Variants in STIMATE observed in about 807,000 individuals in gnomAD.
STIMATE encodes store-operated calcium entry regulator STIMATE.
STIMATE carries 15 observed loss-of-function variants against 36.7 expected under a neutral mutation model. That is an observed-to-expected ratio of 0.41 (90% confidence interval 0.27 to 0.63). STIMATE has a LOEUF of 0.63. Among genes scored for constraint, STIMATE ranks in the 20% least tolerant of loss-of-function variants. STIMATE has a pLI of 0.32. For missense variants in STIMATE, 305 were observed against 397.3 expected (o/e 0.77, Z 1.98); for synonymous variants, 163 against 162.3 (o/e 1.00, Z -0.03).
At chr3:52,895,566 C>G (rs779822658) in intron 1 of STIMATE, among the ~76,000 whole-genome samples, 1 of 152,226 alleles carries the variant, frequency 6.6e-6, no homozygotes, top group Non-Finnish European at 1.5e-5. Context: ...CATGTGCTCA[C>G]GCTGAAGATT....
At chr3:52,842,729 A>T (rs1700819613) in intron 7 of STIMATE, 82 bp downstream of exon 7, 1 of 1,593,392 alleles carries the variant, frequency 6.3e-7, no homozygotes, top group East Asian at 2.2e-5. Context: ...CAAGGGAAGA[A>T]CATACACAGA....
intron 1 of STIMATE, among the ~76,000 whole-genome samples, chr3:52,875,303 G>A (rs553440437): frequency 9.2e-5 from 14 of 152,326 alleles, no homozygotes; most frequent in Non-Finnish European, 1.9e-4. Context: ...CTTGTGGTTA[G>A]TCAAATTCTT....
chr3:52,852,885 A>C (rs1045355708), intron 2 of STIMATE, among the ~76,000 whole-genome samples, 187 bp from the exon 3 acceptor site: 1 of 152,160 alleles, frequency 6.6e-6, no homozygotes, highest in African/African-American at 2.4e-5. Flanking sequence ...CTTCAATAAC[A>C]CTGCCTTTGA....
At chr3:52,853,820 G>A (rs543684931) in intron 2 of STIMATE, among the ~76,000 whole-genome samples, 71 of 149,462 alleles carry the variant, frequency 4.8e-4, no homozygotes, top group Middle Eastern at 3.4e-3. Flanking sequence ...GATTACTGAC[G>A]TTTCCTCTGA....
intron 4 of STIMATE, chr3:52,846,315 G>A (rs1000252568): frequency 6.6e-6 from 1 of 152,198 alleles, no homozygotes; most frequent in Non-Finnish European, 1.5e-5. Context: ...AATGAGTTTT[G>A]CAATCCTTTT....
In STIMATE at chr3:52,839,328, G is replaced by A. The variant is rs972338275; in HGVS notation, c.*1166C>T. 1 of 152,322 alleles carries A rather than the reference G, an allele frequency of 6.6e-6. No homozygotes were observed. Among genetic ancestry groups the A allele is most frequent in the Admixed American group, 6.5e-5 (1 of 15,286 alleles). 9.4% of individuals were successfully genotyped at this position (152,322 alleles called of 1,614,324 possible). On this transcript the variant is annotated 3_prime_UTR_variant, in exon 8 of 8. Transcript: ENST00000355083. ...GACAGGTACCAGGGCAGCAGGAGAG[G>A]AGGCTCCTGGCGCTGAGTCCAGAGG... is the stretch of plus-strand genomic sequence containing the variant.
chr3:52,843,188 G>A (rs1046376039), intron 6 of STIMATE: 17 of 840,246 alleles, frequency 2.0e-5, no homozygotes, highest in Middle Eastern at 3.8e-4. Context: ...GTGCCCTGAC[G>A]GGTTTTTGTT....
chr3:52,871,048 C>T (rs1701395844), intron 1 of STIMATE, among the ~76,000 whole-genome samples: 1 of 152,094 alleles, frequency 6.6e-6, no homozygotes, highest in South Asian at 2.1e-4. Flanking sequence ...GCCTACCCCA[C>T]ATCCTGCTCC....
At chr3:52,897,175 G>A (rs1224609280) in intron 1 of STIMATE, 116 bp downstream of exon 1, 2 of 1,349,382 alleles carry the variant, frequency 1.5e-6, no homozygotes, top group Non-Finnish European at 2.0e-6. Flanking sequence ...GGGTTTGCGG[G>A]GGAGGAGCAA....
At chr3:52,866,855 G>C (rs1021559683) in intron 1 of STIMATE, among the ~76,000 whole-genome samples, 1 of 152,210 alleles carries the variant, frequency 6.6e-6, no homozygotes, top group Non-Finnish European at 1.5e-5. Flanking sequence ...AGCAGCTGCA[G>C]CCCTATTTAG....
chr3:52,868,182 G>A (rs1701343103), intron 1 of STIMATE, among the ~76,000 whole-genome samples: 1 of 152,172 alleles, frequency 6.6e-6, no homozygotes, highest in African/African-American at 2.4e-5. Flanking sequence ...GACGCCCAGG[G>A]AAAAAGTCCC....
intron 1 of STIMATE, among the ~76,000 whole-genome samples, chr3:52,875,784 AC>A (rs1295611629): frequency 6.6e-6 from 1 of 152,152 alleles, no homozygotes; most frequent in Non-Finnish European, 1.5e-5. Context: ...AGATGATTAC[AC>A]CTGCCCTCTT....
At chr3:52,896,022 G>A (rs921528343) in intron 1 of STIMATE, 3 of 1,142,642 alleles carry the variant, frequency 2.6e-6, no homozygotes, top group Non-Finnish European at 2.3e-6. Flanking sequence ...AAAAAGGAAA[G>A]AAAAAGTGGC....
intron 7 of STIMATE, 55 bp from the exon 8 acceptor site, chr3:52,840,665 T>C: frequency 3.2e-6 from 5 of 1,547,464 alleles, no homozygotes; most frequent in Non-Finnish European, 3.5e-6. Context: ...CTTCTTCATT[T>C]GCCCTCCCTG....
chr3:52,845,044 A>C, intron 4 of STIMATE, 103 bp from the exon 5 acceptor site: 1 of 1,206,712 alleles, frequency 8.3e-7, no homozygotes, highest in Non-Finnish European at 1.1e-6. Context: ...ACTGGCTCTA[A>C]AGCTCTAAAG....
intron 1 of STIMATE, among the ~76,000 whole-genome samples, chr3:52,857,684 G>A: frequency 6.6e-6 from 1 of 151,350 alleles, no homozygotes; most frequent in Admixed American, 6.6e-5. Flanking sequence ...TATAATAAAT[G>A]TATTACATTA....
chr3:52,886,422 T>C (rs1701687001), intron 1 of STIMATE, among the ~76,000 whole-genome samples: 1 of 152,232 alleles, frequency 6.6e-6, no homozygotes, highest in African/African-American at 2.4e-5. Context: ...AACCTCTCAG[T>C]GCCTGTTTTC....
intron 1 of STIMATE, among the ~76,000 whole-genome samples, chr3:52,890,479 T>G (rs1226291220): frequency 6.6e-6 from 1 of 152,254 alleles, no homozygotes; most frequent in African/African-American, 2.4e-5. Flanking sequence ...GTTGTCACAA[T>G]GAGAGATTCT....
At chr3:52,843,265 C>T (rs1700834680) in intron 6 of STIMATE, 3 of 433,214 alleles carry the variant, frequency 6.9e-6, no homozygotes, top group East Asian at 4.5e-5. Flanking sequence ...CGTTCCAGGC[C>T]CCTCCCCACA....
Sources: allele counts gnomAD v4.1 joint callset (sites outside exome capture counted in the v4.1 genomes callset), GRCh38; gene constraint gnomAD v4.1.1; transcripts MANE v1.5; gene names NCBI Gene and HGNC (gene_info 2026-07-23, HGNC 2026-07-21).